The following CABIN1 variants were observed in gnomAD, a reference collection of about 807,000 sequenced individuals.
CABIN1 encodes calcineurin binding protein 1.
In CABIN1, 133 loss-of-function variants were observed where a neutral mutation model predicts 227.7. The observed-to-expected ratio is 0.58, with a 90% CI of 0.51 to 0.67. The LOEUF is 0.67. Ranked by LOEUF, CABIN1 falls within the 30% of genes least tolerant of loss-of-function variation. The pLI is 0.00. For missense variants in CABIN1, 2,408 were observed against 2,852.5 expected, an observed-to-expected ratio of 0.84 and a Z score of 3.55; for synonymous variants, 1,086 against 1,155.1, an observed-to-expected ratio of 0.94 and a Z score of 1.21.
rs2047101496 is a variant in CABIN1 at position 24,176,274 on chromosome 22, G to C, written c.6204G>C (p.Gln2068His). 1 of 1,598,102 alleles carries C rather than the reference G, an allele frequency of 6.3e-7. No individual in the cohort carries two copies. Among genetic ancestry groups the C allele is most frequent in the South Asian group, 1.1e-5 (1 of 89,090 alleles). The change falls in exon 35 of 37, where the codon CAG becomes CAC. Residue 2068 changes from glutamine (Q) to histidine (H), a missense_variant and splice_region_variant. Around this residue, in one of 3 missense-constraint regions of CABIN1, gnomAD observed 714 missense variants for 773.8 expected, o/e 0.92. Transcript: ENST00000263119. ...LGTGAEPTCSQEGKLRPEPRR... is the reference protein window; with the variant it reads ...LGTGAEPTCSHEGKLRPEPRR... ...CAGGCGCTGAGCCCACCTGCAGCCA[G>C]GGTAAGGCGAGTTGGGAGCAGCCCA...
chr22:24,115,650 A>G (rs762407498), intron 27 of CABIN1, among the ~76,000 whole-genome samples: 5 of 152,168 alleles, frequency 3.3e-5, no homozygotes, highest in Non-Finnish European at 7.3e-5. Flanking sequence ...GGTGGTCTCT[A>G]ACACGCACTC....
chr22:24,126,114 C>A (rs116627713), intron 28 of CABIN1, among the ~76,000 whole-genome samples: 2 of 152,200 alleles, frequency 1.3e-5, no homozygotes, highest in Non-Finnish European at 2.9e-5. Flanking sequence ...GTTTGTGTTT[C>A]GTGTGCTCCC....
chr22:24,073,315 G>A (rs1376332190), intron 18 of CABIN1, among the ~76,000 whole-genome samples: 1 of 151,718 alleles, frequency 6.6e-6, no homozygotes, highest in African/African-American at 2.4e-5. Flanking sequence ...TCTAGTTTGT[G>A]TGCAGTTGTT....
At chr22:24,091,530 TC>T in intron 23 of CABIN1, 52 bp from the exon 24 acceptor site, 1 of 1,612,366 alleles carries the variant, frequency 6.2e-7, no homozygotes, top group Non-Finnish European at 8.5e-7. Flanking sequence ...AAAAGTCTGA[TC>T]CCTGGGCAGG....
intron 26 of CABIN1, among the ~76,000 whole-genome samples, chr22:24,108,919 T>G (rs948003973): frequency 2.6e-5 from 4 of 152,258 alleles, no homozygotes; most frequent in African/African-American, 9.6e-5. Context: ...ACATAAGAGA[T>G]AAAACATGCT....
intron 23 of CABIN1, 102 bp downstream of exon 23, chr22:24,087,815 C>T: frequency 6.9e-7 from 1 of 1,443,674 alleles, no homozygotes. Flanking sequence ...TTCTTGTCCA[C>T]ACATCCATGC....
At chr22:24,071,922 C>T (rs2040115720) in intron 17 of CABIN1, among the ~76,000 whole-genome samples, 1 of 152,162 alleles carries the variant, frequency 6.6e-6, no homozygotes, top group Non-Finnish European at 1.5e-5. Flanking sequence ...CAGCCACTCA[C>T]TTGGAAACTT....
At position 24,013,596 on chromosome 22, in the gene CABIN1, A is replaced by T. The variant is rs1601609183; in HGVS notation, c.-75+2229A>T. Among the ~76,000 whole-genome samples, 3 of 152,352 alleles carry T rather than the reference A, an allele frequency of 2.0e-5. No individual in the cohort carries two copies. The South Asian group carries it at 6.2e-4, about 32-fold the overall frequency. ...TCACCCTGCTTTCCCTAATGTTAACATCTTACATAATCATACAATTATCAA... is the reference window on the plus strand; with the variant it reads ...TCACCCTGCTTTCCCTAATGTTAACTTCTTACATAATCATACAATTATCAA... On this transcript the variant is annotated intron_variant, in intron 1 of 36. Coordinates refer to ENST00000263119, the MANE Select transcript of CABIN1 (RefSeq NM_012295.4).
chr22:24,017,317 G>T lies in CABIN1; in HGVS notation c.-75+5950G>T, dbSNP rs760254479. ...CTCCCAAAGTGCTGGGATTACAGGC[G>T]TGAGCCACTGCGCCTGACCCAATTT... On this transcript the variant is annotated intron_variant, in intron 1 of 36. Transcript: ENST00000263119. 2.6e-5 allele frequency among the ~76,000 whole-genome samples: 4 copies of T among 152,102 alleles called. 1 individual carries two copies. The highest frequency in any genetic ancestry group is 5.9e-5 in the Non-Finnish European group (4 of 68,032).
intron 1 of CABIN1, among the ~76,000 whole-genome samples, chr22:24,013,255 G>A (rs1249399785): frequency 1.5e-5 from 2 of 129,966 alleles, no homozygotes; most frequent in Non-Finnish European, 3.1e-5. Flanking sequence ...GGAGTGCAGT[G>A]GTGCGATCTC....
chr22:24,116,991 C>A (rs1013794636), intron 27 of CABIN1, among the ~76,000 whole-genome samples: 4 of 152,180 alleles, frequency 2.6e-5, no homozygotes, highest in African/African-American at 9.6e-5. Flanking sequence ...CTCATCTTCA[C>A]GCAGCTAGGG....
At chr22:24,068,766 A>G (rs564014735) in intron 16 of CABIN1, among the ~76,000 whole-genome samples, 4 of 152,224 alleles carry the variant, frequency 2.6e-5, no homozygotes, top group Admixed American at 2.0e-4. Flanking sequence ...ATGCTGTCAC[A>G]TCTTTTGATG....
At chr22:24,098,422 GA>G in intron 26 of CABIN1, 3 of 825,924 alleles carry the variant, frequency 3.6e-6, no homozygotes, top group Non-Finnish European at 5.7e-6. Context: ...GGAGCCAGGG[GA>G]GGGGGCAGGC....
intron 34 of CABIN1, among the ~76,000 whole-genome samples, chr22:24,175,414 C>T (rs560686380): frequency 6.6e-6 from 1 of 152,272 alleles, no homozygotes; most frequent in South Asian, 2.1e-4. Flanking sequence ...GATGGGGAGG[C>T]GGTGGGGTGG....
chr22:24,042,090 T>C lies in CABIN1; in HGVS notation c.346-814T>C, dbSNP rs2037423232. On this transcript the variant is annotated intron_variant, in intron 5 of 36. Coordinates refer to ENST00000263119, the MANE Select transcript of CABIN1 (RefSeq NM_012295.4). ...CCTCATGCCCCCAAGTAGCTGGGAC[T>C]ATAGGCATGCACCACCACCACACCC... Among the ~76,000 whole-genome samples the C allele has an allele frequency of 2.6e-5, 4 of 152,188 alleles. No homozygotes were observed. In the South Asian group the frequency reaches 6.2e-4, roughly 24 times the overall value.
chr22:24,118,346 G>A (rs1049712481), intron 27 of CABIN1, among the ~76,000 whole-genome samples: 2 of 152,112 alleles, frequency 1.3e-5, no homozygotes, highest in African/African-American at 2.4e-5. Flanking sequence ...AGTGATGGTG[G>A]GCAACCTGGC....
chr22:24,045,032 G>A (rs1046654747), intron 6 of CABIN1, among the ~76,000 whole-genome samples: 3 of 150,912 alleles, frequency 2.0e-5, no homozygotes, highest in East Asian at 1.9e-4. Context: ...CCATTCTCCC[G>A]CCTCAGCCTC....
chr22:24,168,460 C>A lies in CABIN1; in HGVS notation c.5696C>A (p.Ala1899Asp). The stretch of plus-strand genomic sequence containing the variant: ...CTCCCTGTTAAGGTGGATGAGGAGG[C>A]TGCGCTGGAGCAGGCTGTGAAGTTC... Reference protein sequence around the residue: ...YMLIKQVDEEAALEQAVKFCQ... With the variant: ...YMLIKQVDEEDALEQAVKFCQ... Residue 1899 changes from alanine (A) to aspartate (D), a missense_variant, in exon 33 of 37, where the codon GCT (alanine) becomes GAT (aspartate). Ala to Asp is a moderately radical substitution (Grantham distance 126). This residue lies in a region of CABIN1 where 714 missense variants were observed against 773.8 expected (regional missense o/e 0.92). Coordinates refer to ENST00000263119, the MANE Select transcript of CABIN1 (RefSeq NM_012295.4). The A allele has an allele frequency of 6.4e-7, 1 of 1,571,986 alleles. No homozygotes were observed. Among genetic ancestry groups the A allele is most frequent in the Non-Finnish European group, 8.6e-7 (1 of 1,158,472 alleles).
chr22:24,062,877 A>C (rs971056151), intron 13 of CABIN1, 82 bp from the exon 14 acceptor site: 1 of 1,400,132 alleles, frequency 7.1e-7, no homozygotes, highest in Non-Finnish European at 1.0e-6. Flanking sequence ...GGGTGTGGTT[A>C]GGGCCAAGTG....
Sources: gnomAD v4.1 joint callset for allele counts (sites outside exome capture counted in the v4.1 genomes callset) on GRCh38, gnomAD v4.1.1 for gene constraint, gnomAD v4.1.1 regional missense constraint, MANE v1.5 for transcripts, NCBI Gene and HGNC (gene_info 2026-07-23, HGNC 2026-07-21) for gene names.